AGPS: variants seen among roughly 807,000 people sequenced by gnomAD.
AGPS encodes the protein alkyldihydroxyacetonephosphate synthase, peroxisomal.
Under a neutral mutation model 90.7 loss-of-function variants are expected in AGPS, and 26 were observed. The ratio of observed to expected loss-of-function variants is 0.29; its 90% confidence interval spans 0.21 to 0.40. AGPS has a LOEUF of 0.40. AGPS is among the 10% of genes least tolerant of loss of function. AGPS has a pLI of 1.00. For synonymous variants in AGPS, 294 were observed against 285.3 expected (o/e 1.03, Z -0.31); for missense variants, 540 against 816.1 (o/e 0.66, Z 4.12).
intron 10 of AGPS, among the ~76,000 whole-genome samples, chr2:177,470,358 T>C (rs1395622030): frequency 6.6e-6 from 1 of 152,152 alleles, no homozygotes; most frequent in East Asian, 1.9e-4. Flanking sequence ...AGTCACTAAC[T>C]GTATGAATTT....
chr2:177,444,420 C>CAAAAA (rs10618529), intron 7 of AGPS, among the ~76,000 whole-genome samples: 17 of 90,888 alleles, frequency 1.9e-4, no homozygotes, highest in Admixed American at 3.8e-4. Context: ...GACTCTGTCT[C>CAAAAA]AAAAAAAAAA....
intron 12 of AGPS, among the ~76,000 whole-genome samples, chr2:177,495,414 A>T (rs909203975): frequency 1.3e-5 from 2 of 152,204 alleles, no homozygotes; most frequent in African/African-American, 4.8e-5. Context: ...TCCACAAATC[A>T]TACGTGGTAG....
chr2:177,410,122 T>C (rs1292900646), intron 1 of AGPS, among the ~76,000 whole-genome samples: 1 of 152,142 alleles, frequency 6.6e-6, no homozygotes, highest in Non-Finnish European at 1.5e-5. Flanking sequence ...GGGTCCCCAT[T>C]CTGTTTCTCC....
chr2:177,476,209 T>C (rs1287340274), intron 10 of AGPS, among the ~76,000 whole-genome samples: 1 of 152,042 alleles, frequency 6.6e-6, no homozygotes, highest in East Asian at 1.9e-4. Context: ...ATTCCTTCTG[T>C]CTGCTTGTAT....
intron 17 of AGPS, among the ~76,000 whole-genome samples, chr2:177,519,398 T>G (rs1012839291): frequency 6.6e-6 from 1 of 152,222 alleles, no homozygotes; most frequent in African/African-American, 2.4e-5. Flanking sequence ...TAGACTGATT[T>G]TTAAGCTGCA....
intron 13 of AGPS, 121 bp downstream of exon 13, chr2:177,497,886 C>T (rs1688456634): frequency 2.4e-6 from 1 of 411,248 alleles, no homozygotes; most frequent in Non-Finnish European, 4.4e-6. Flanking sequence ...TTCAGAATTA[C>T]AGTTTTTCAT....
intron 1 of AGPS, 78 bp downstream of exon 1, chr2:177,393,127 G>T (rs1178338977): frequency 1.3e-6 from 2 of 1,549,586 alleles, no homozygotes; most frequent in African/African-American, 2.7e-5. Flanking sequence ...CAGGCGAGGT[G>T]GGAAGGGAAG....
intron 1 of AGPS, among the ~76,000 whole-genome samples, chr2:177,417,950 T>G (rs1381178326): frequency 1.3e-5 from 2 of 152,106 alleles, no homozygotes; most frequent in Non-Finnish European, 2.9e-5. Context: ...AATTTACCTG[T>G]TTTTTATTTA....
intron 8 of AGPS, among the ~76,000 whole-genome samples, chr2:177,446,181 T>G (rs181232937): frequency 6.6e-6 from 1 of 150,934 alleles, no homozygotes; most frequent in Non-Finnish European, 1.5e-5. Flanking sequence ...TGAGACGGAG[T>G]CTCACTCTGT....
At chr2:177,446,887 T>G (rs1686791773) in intron 8 of AGPS, among the ~76,000 whole-genome samples, 1 of 152,184 alleles carries the variant, frequency 6.6e-6, no homozygotes. Flanking sequence ...TTTCATAAAT[T>G]CATGAAATTC....
chr2:177,468,383 T>G, intron 9 of AGPS, 33 bp from the exon 10 acceptor site: 2 of 1,310,612 alleles, frequency 1.5e-6, no homozygotes, highest in Non-Finnish European at 2.2e-6. Flanking sequence ...CTAACAGATG[T>G]CTAGAATTTA....
At chr2:177,454,426 T>C (rs1283896053) in intron 8 of AGPS, among the ~76,000 whole-genome samples, 1 of 151,976 alleles carries the variant, frequency 6.6e-6, no homozygotes, top group Non-Finnish European at 1.5e-5. Flanking sequence ...ATGTCTCTAC[T>C]TTTTGAACAT....
intron 19 of AGPS, among the ~76,000 whole-genome samples, chr2:177,532,030 A>G (rs1245566127): frequency 6.6e-6 from 1 of 152,200 alleles, no homozygotes; most frequent in Non-Finnish European, 1.5e-5. Flanking sequence ...AACCTTTAGA[A>G]AAATTTAAAG....
At chr2:177,401,994 C>T (rs908140182) in intron 1 of AGPS, among the ~76,000 whole-genome samples, 5 of 152,140 alleles carry the variant, frequency 3.3e-5, no homozygotes, top group Non-Finnish European at 1.5e-5. Context: ...ATGTTCTAAG[C>T]ACTTGGGCTA....
intron 15 of AGPS, among the ~76,000 whole-genome samples, chr2:177,505,905 TTAA>T (rs1385032897): frequency 1.3e-5 from 2 of 151,952 alleles, no homozygotes; most frequent in Non-Finnish European, 2.9e-5. Context: ...CACTCTTCAC[TTAA>T]TAATCTGTTT....
intron 15 of AGPS, among the ~76,000 whole-genome samples, chr2:177,507,036 C>G (rs865852840): frequency 4.6e-5 from 7 of 151,076 alleles, no homozygotes; most frequent in African/African-American, 1.7e-4. Context: ...GGGATTCCGC[C>G]CCCCCTACCC....
intron 11 of AGPS, 28 bp downstream of exon 11, chr2:177,482,214 T>C: frequency 1.7e-6 from 2 of 1,195,222 alleles, no homozygotes; most frequent in Non-Finnish European, 1.2e-6. Flanking sequence ...TATATATACA[T>C]ACATACATAT....
At chr2:177,508,077 A>G (rs748846081) in intron 16 of AGPS, 46 bp downstream of exon 16, 1 of 1,395,836 alleles carries the variant, frequency 7.2e-7, no homozygotes, top group Non-Finnish European at 1.0e-6. Context: ...ATGCGATATG[A>G]ATTGCTTGAA....
intron 2 of AGPS, among the ~76,000 whole-genome samples, chr2:177,428,418 C>CT (rs1686142312): frequency 6.6e-6 from 1 of 152,192 alleles, no homozygotes; most frequent in Non-Finnish European, 1.5e-5. Flanking sequence ...CATAGTGTCA[C>CT]TGGTCTGTGT....
Sources: gnomAD v4.1 joint callset for allele counts (sites outside exome capture counted in the v4.1 genomes callset) on GRCh38, gnomAD v4.1.1 for gene constraint, MANE v1.5 for transcripts, NCBI Gene and HGNC (gene_info 2026-07-23, HGNC 2026-07-21) for gene names.